The following PPFIA3 variants were observed in gnomAD, a reference collection of about 807,000 sequenced individuals.
The protein encoded by PPFIA3 is PPFI scaffold protein A3.
Under a neutral mutation model 145.8 loss-of-function variants are expected in PPFIA3, and 26 were observed. The ratio of observed to expected loss-of-function variants is 0.18; its 90% CI spans 0.13 to 0.25. PPFIA3 has a LOEUF of 0.25. Ranked by LOEUF, PPFIA3 falls within the 10% of genes least tolerant of loss-of-function variation. PPFIA3 has a pLI of 1.00. For missense variants in PPFIA3, 1,008 were observed against 1,587.8 expected, an observed-to-expected ratio of 0.63 and a Z score of 6.21; for synonymous variants, 645 against 661.4, an observed-to-expected ratio of 0.98 and a Z score of 0.38.
intron 5 of PPFIA3, 87 bp downstream of exon 5, chr19:49,129,541 CAGAG>C (rs910927767): frequency 1.1e-5 from 15 of 1,386,980 alleles, no homozygotes; most frequent in Middle Eastern, 2.5e-4. Context: ...GGGTGGGTTC[CAGAG>C]AGAATCTATT....
At position 49,142,799 on chromosome 19, in the gene PPFIA3, T is replaced by C; in HGVS notation, c.2545-5T>C. ...CCCCTCTGTCCCTCTGTCCCTCCGC[T>C]GCAGCTGTGGGTGGGCATGCCTGCC... On this transcript the variant is annotated splice_region_variant and splice_polypyrimidine_tract_variant and intron_variant, in intron 20 of 29. Transcript: ENST00000334186. 1 of 1,600,760 alleles carries C rather than the reference T, an allele frequency of 6.2e-7. No homozygotes were observed.
Position 49,130,142 on chromosome 19 carries a change from T to C in PPFIA3, c.657+75T>C, listed in dbSNP as rs2064778912. ...TTGTGATAGTGTTTGTAACGTTTGG[T>C]ATCATCCTCACTGGCCCTAAGACGG... is the stretch of plus-strand genomic sequence containing the variant. On this transcript the variant is annotated intron_variant, in intron 6 of 29. Coordinates refer to ENST00000334186, the MANE Select transcript of PPFIA3 (RefSeq NM_003660.4). This position sits in a 1 kb window ranked among gnomAD's most constrained non-coding sequence, Gnocchi z 4.5. 2.0e-6 allele frequency: 3 copies of C among 1,474,612 alleles called. No homozygotes were observed. The highest frequency in any genetic ancestry group is 1.4e-5 in the African/African-American group (1 of 71,054). 91.3% of individuals were successfully genotyped at this position (1,474,612 alleles called of 1,614,324 possible). A position where few individuals can be genotyped will look rare whatever the true frequency, so the allele number is the denominator to read the frequency against.
In PPFIA3 at chr19:49,135,032, G is replaced by GTTTTT. The variant is rs34021245; in HGVS notation, c.1520+119_1520+123dup. On this transcript the variant is annotated intron_variant, in intron 13 of 29. Transcript: ENST00000334186. ...TGAGACTTCTGACCCCTCTGTTTTT[G>GTTTTT]TTTTTTGTTTGTTTGTTTGTTTGTT... 3,312 of 657,710 alleles carry GTTTTT rather than the reference G, an allele frequency of 5.0e-3. 3 individuals are homozygous for GTTTTT. The highest frequency in any genetic ancestry group is 0.01 in the South Asian group (380 of 37,742). The allele number at this position is 657,710 out of a possible 1,614,324, so 40.7% of individuals were successfully genotyped here. A position where few individuals can be genotyped will look rare whatever the true frequency, so the allele number is the denominator to read the frequency against.
At position 49,133,207 on chromosome 19, in the gene PPFIA3, G is replaced by T. The variant is rs371870415; in HGVS notation, c.1027-30G>T. 71 of 1,587,618 alleles carry T rather than the reference G, an allele frequency of 4.5e-5. No homozygotes were observed. Among genetic ancestry groups the T allele is most frequent in the Non-Finnish European group, 5.4e-5 (63 of 1,164,790 alleles). On this transcript the variant is annotated intron_variant, in intron 8 of 29. Coordinates refer to ENST00000334186, the MANE Select transcript of PPFIA3 (RefSeq NM_003660.4). This position sits in a 1 kb window ranked among gnomAD's most constrained non-coding sequence, Gnocchi z 7.2. ...TGCCGGGGCCCAAGTGACCCAGCCC[G>T]TCCCCTCCCCCTGCCTCTCCCTCCC... is the stretch of plus-strand genomic sequence containing the variant.
rs191755776 is a variant in PPFIA3, at chr19:49,134,458, C to A, written c.1378-181C>A. Among the ~76,000 whole-genome samples the A allele has an allele frequency of 1.3e-3, 204 of 152,306 alleles. 2 individuals are homozygous for A. The highest frequency in any genetic ancestry group is 4.5e-3 in the African/African-American group (188 of 41,558). On this transcript the variant is annotated intron_variant, in intron 11 of 29. Coordinates refer to ENST00000334186, the MANE Select transcript of PPFIA3 (RefSeq NM_003660.4). ...CCCTCTGAGATTGCACAGGACGTCG[C>A]ATCCCGGGGCTTCTCTCCCCAGAAA...
chr19:49,134,721 C>T lies in PPFIA3; in HGVS notation c.1440+20C>T. 1 of 1,613,204 alleles carries T rather than the reference C, an allele frequency of 6.2e-7. No individual in the cohort carries two copies. The highest frequency in any genetic ancestry group is 1.1e-5 in the South Asian group (1 of 91,064). ...AACAAGGTAGGGGGCCCTGAGGGGA[C>T]AGGAGGAGGATGTTGGGGCAGTGGT... is the stretch of plus-strand genomic sequence containing the variant. On this transcript the variant is annotated intron_variant, in intron 12 of 29. Coordinates refer to ENST00000334186, the MANE Select transcript of PPFIA3 (RefSeq NM_003660.4).
Position 49,149,408 on chromosome 19 carries a change from A to T in PPFIA3, c.3354+83A>T, listed in dbSNP as rs1249470569. The T allele has an allele frequency of 6.3e-7, 1 of 1,585,872 alleles. No individual in the cohort carries two copies. The highest frequency in any genetic ancestry group is 1.7e-5 in the Admixed American group (1 of 59,822). Reference sequence around the variant, plus strand: ...CTGAGGGGGCGGGGCCTGACTATTAATGGTCACGGTTGGAGGCGGGGCCAG... The same window carrying T: ...CTGAGGGGGCGGGGCCTGACTATTATTGGTCACGGTTGGAGGCGGGGCCAG... On this transcript the variant is annotated intron_variant, in intron 27 of 29. Transcript: ENST00000334186. The surrounding 1 kb of genome is among the most constrained non-coding windows in gnomAD (Gnocchi z 5.7).
Position 49,135,060 on chromosome 19 carries a change from G to A in PPFIA3, c.1520+145G>A. 7.2e-6 allele frequency: 4 copies of A among 554,820 alleles called. No homozygotes were observed. In the South Asian group the frequency reaches 1.0e-4, roughly 14 times the overall value. The allele number at this position is 554,820 out of a possible 1,614,324, so 34.4% of individuals were successfully genotyped here. On this transcript the variant is annotated intron_variant, in intron 13 of 29. Coordinates refer to ENST00000334186, the MANE Select transcript of PPFIA3 (RefSeq NM_003660.4). ...TTTTGTTTGTTTGTTTGTTTGTTTTGAGACAGAGTCTCACTCTGTCGCCCA... is the reference window on the plus strand; with the variant it reads ...TTTTGTTTGTTTGTTTGTTTGTTTTAAGACAGAGTCTCACTCTGTCGCCCA...
intron 1 of PPFIA3, among the ~76,000 whole-genome samples, chr19:49,127,007 C>T (rs1047030258): frequency 1.4e-5 from 2 of 142,996 alleles, no homozygotes; most frequent in African/African-American, 5.3e-5. Flanking sequence ...AGCAATGGCA[C>T]AGGCACAGTG....
chr19:49,149,866 A>G lies in PPFIA3; in HGVS notation c.3526+148A>G, dbSNP rs1402344779. On this transcript the variant is annotated intron_variant, in intron 28 of 29. Coordinates refer to ENST00000334186, the MANE Select transcript of PPFIA3 (RefSeq NM_003660.4). This position sits in a 1 kb window ranked among gnomAD's most constrained non-coding sequence, Gnocchi z 5.7. The stretch of plus-strand genomic sequence containing the variant: ...CTCCAACGTTCCGGACTCCCCCGTC[A>G]GGATGAAATGGATAAATCCCACTCC... 1 of 1,169,354 alleles carries G rather than the reference A, an allele frequency of 8.6e-7. No homozygotes were observed. The highest frequency in any genetic ancestry group is 2.6e-5 in the Admixed American group (1 of 38,052). The allele number at this position is 1,169,354 out of a possible 1,614,324, so 72.4% of individuals were successfully genotyped here. A position where few individuals can be genotyped will look rare whatever the true frequency, so the allele number is the denominator to read the frequency against.
chr19:49,144,839 A>G (rs190198889), intron 21 of PPFIA3, among the ~76,000 whole-genome samples: 18 of 152,166 alleles, frequency 1.2e-4, no homozygotes, highest in Non-Finnish European at 2.1e-4. Context: ...AAATTACTTT[A>G]GTGGGTCTTT....
At chr19:49,146,566 G>A (rs1217926287) in intron 23 of PPFIA3, among the ~76,000 whole-genome samples, 1 of 152,198 alleles carries the variant, frequency 6.6e-6, no homozygotes, top group Admixed American at 6.6e-5. Context: ...AGGACACACT[G>A]GCTGTGGTGG....
rs753608660 is a variant in PPFIA3, at chr19:49,133,220, G to C, written c.1027-17G>C. 6 of 1,593,748 alleles carry C rather than the reference G, an allele frequency of 3.8e-6. No homozygotes were observed. On this transcript the variant is annotated splice_polypyrimidine_tract_variant and intron_variant, in intron 8 of 29. Transcript: ENST00000334186. The surrounding 1 kb of genome is among the most constrained non-coding windows in gnomAD (Gnocchi z 7.2). ...GTGACCCAGCCCGTCCCCTCCCCCT[G>C]CCTCTCCCTCCCCCAGAGTGAAGAG...
intron 1 of PPFIA3, among the ~76,000 whole-genome samples, chr19:49,127,027 G>A (rs943961770): frequency 1.4e-5 from 2 of 146,136 alleles, no homozygotes; most frequent in Non-Finnish European, 3.0e-5. Context: ...GGCATACTTT[G>A]GGATGCTGAG....
chr19:49,146,104 C>A, intron 22 of PPFIA3, 62 bp from the exon 23 acceptor site: 1 of 1,609,076 alleles, frequency 6.2e-7, no homozygotes, highest in Admixed American at 1.7e-5. Context: ...CCGCTCCTTG[C>A]GTCCTCCTCT....
chr19:49,124,033 A>G (rs2040967824), intron 1 of PPFIA3, among the ~76,000 whole-genome samples: 1 of 151,896 alleles, frequency 6.6e-6, no homozygotes, highest in Non-Finnish European at 1.5e-5. Flanking sequence ...GAAATGCTCA[A>G]TTCTCAACAT....
chr19:49,136,028 C>A, intron 14 of PPFIA3, 105 bp downstream of exon 14: 1 of 1,321,646 alleles, frequency 7.6e-7, no homozygotes, highest in Non-Finnish European at 9.9e-7. Flanking sequence ...GGTTGAGAGG[C>A]AGGATCTCTT....
At chr19:49,141,001 G>A (rs2041215667) in intron 18 of PPFIA3, among the ~76,000 whole-genome samples, 1 of 152,120 alleles carries the variant, frequency 6.6e-6, no homozygotes, top group South Asian at 2.1e-4. Context: ...TCAAAGCAGG[G>A]CACCTTCCTG....
At chr19:49,142,529 A>C (rs1341350784) in intron 20 of PPFIA3, among the ~76,000 whole-genome samples, 92 of 114,200 alleles carry the variant, frequency 8.1e-4, no homozygotes, top group African/African-American at 1.0e-3. Context: ...CTCTCTCTCT[A>C]TTTCTTTCTC....
Sources: gnomAD v4.1 joint callset for allele counts (sites outside exome capture counted in the v4.1 genomes callset) on GRCh38, gnomAD v4.1.1 for gene constraint, Gnocchi (gnomAD v3.1) non-coding constraint, MANE v1.5 for transcripts, NCBI Gene and HGNC (gene_info 2026-07-23, HGNC 2026-07-21) for gene names.